Variants in ASXL2 observed in about 807,000 individuals in gnomAD.
ASXL2 encodes the protein ASXL transcriptional regulator 2.
Under a neutral mutation model 122.0 loss-of-function variants are expected in ASXL2, and 23 were observed. The observed-to-expected ratio is 0.19, with a 90% CI of 0.14 to 0.27. ASXL2 has a LOEUF of 0.27. Ranked by LOEUF, ASXL2 falls within the 10% of genes least tolerant of loss-of-function variation. ASXL2 has a pLI of 1.00. For synonymous variants in ASXL2, 650 were observed against 637.0 expected, an observed-to-expected ratio of 1.02 and a Z score of -0.31; for missense variants, 1,518 against 1,713.8, an observed-to-expected ratio of 0.89 and a Z score of 2.02.
chr2:25,878,156 T>TC lies in ASXL2; in HGVS notation c.57+9dup, dbSNP rs1240631288. On this transcript the variant is annotated intron_variant, in intron 1 of 12. Coordinates refer to ENST00000435504, the MANE Select transcript of ASXL2 (RefSeq NM_018263.6). ...CCTCCCGGCCTTCCCCTTCGCTCCC[T>TC]CCCCCTTACCGTCTTGGCGGCCTCC... The TC allele has an allele frequency of 6.2e-7, 1 of 1,613,418 alleles. No individual in the cohort carries two copies. Among genetic ancestry groups the TC allele is most frequent in the East Asian group, 2.2e-5 (1 of 44,828 alleles).
chr2:25,853,010 A>C (rs954103775), intron 1 of ASXL2, among the ~76,000 whole-genome samples: 5 of 152,218 alleles, frequency 3.3e-5, no homozygotes, highest in African/African-American at 1.2e-4. Context: ...TGTGGAATTG[A>C]GGAATAATTG....
chr2:25,849,045 C>CA (rs1337241291), intron 1 of ASXL2, among the ~76,000 whole-genome samples: 116 of 35,946 alleles, frequency 3.2e-3, no homozygotes, highest in African/African-American at 8.6e-3. Context: ...AACTCCGTCT[C>CA]AAAAAAAAAA....
chr2:25,849,452 CAAAAAAAAA>C (rs34833277), intron 1 of ASXL2, among the ~76,000 whole-genome samples: 3 of 70,652 alleles, frequency 4.2e-5, no homozygotes, highest in Non-Finnish European at 8.2e-5. Flanking sequence ...GACTCTGACT[CAAAAAAAAA>C]AAAAAAAAAA....
intron 3 of ASXL2, among the ~76,000 whole-genome samples, chr2:25,813,596 C>T (rs2089198572): frequency 6.6e-6 from 1 of 152,088 alleles, no homozygotes; most frequent in Non-Finnish European, 1.5e-5. Context: ...AAAGTGTGTA[C>T]ATAAAGTGCT....
intron 1 of ASXL2, among the ~76,000 whole-genome samples, chr2:25,861,109 A>G (rs929650618): frequency 6.6e-6 from 1 of 152,178 alleles, no homozygotes; most frequent in Non-Finnish European, 1.5e-5. Flanking sequence ...ACAAATAAGA[A>G]AACAAAAATT....
chr2:25,752,221 A>G (rs1216333452), intron 11 of ASXL2, among the ~76,000 whole-genome samples: 2 of 152,168 alleles, frequency 1.3e-5, no homozygotes, highest in African/African-American at 4.8e-5. Context: ...TGGTGTGCAG[A>G]AGGAAGGAAG....
Position 25,845,530 on chromosome 2 carries a change from G to T in ASXL2, c.91C>A (p.His31Asn). ...TGGATAACTTGAAGAATTTCTTTATGACTCATGGGTGTATTGGGGTATTTT... is the reference window on the plus strand; with the variant it reads ...TGGATAACTTGAAGAATTTCTTTATTACTCATGGGTGTATTGGGGTATTTT... ...LEKYPNTPMS[H>N]KEILQVIQRE... is the part of the protein sequence containing the mutation. Residue 31 changes from histidine to asparagine, a missense_variant, in exon 2 of 13, where the codon CAT becomes AAT. Coordinates refer to ENST00000435504, the MANE Select transcript of ASXL2 (RefSeq NM_018263.6). 2 of 1,500,266 alleles carry T rather than the reference G, an allele frequency of 1.3e-6. No homozygotes were observed. Among genetic ancestry groups the T allele is most frequent in the East Asian group, 2.5e-5 (1 of 40,192 alleles). 92.9% of individuals were successfully genotyped at this position (1,500,266 alleles called of 1,614,324 possible).
intron 1 of ASXL2, among the ~76,000 whole-genome samples, chr2:25,850,635 G>C (rs1157752873): frequency 1.3e-5 from 2 of 152,206 alleles, no homozygotes; most frequent in African/African-American, 4.8e-5. Context: ...CAGTGGGATA[G>C]ATGTGGTCTA....
intron 1 of ASXL2, 115 bp downstream of exon 1, chr2:25,878,051 G>A (rs1180514456): frequency 3.8e-6 from 5 of 1,318,838 alleles, no homozygotes; most frequent in Admixed American, 1.7e-5. Context: ...CTCTCCGCGC[G>A]GTTTTGTGCC....
chr2:25,784,053 CTAAATAAATAAATAAATAAA>C (rs59180424), intron 5 of ASXL2, among the ~76,000 whole-genome samples: 18 of 138,470 alleles, frequency 1.3e-4, no homozygotes, highest in Middle Eastern at 7.0e-3. Flanking sequence ...AACTCCATCT[CTAAATAAATAAATAAATAAA>C]TAAATAAATA....
At chr2:25,781,623 G>A (rs2088639401) in intron 5 of ASXL2, among the ~76,000 whole-genome samples, 1 of 145,390 alleles carries the variant, frequency 6.9e-6, no homozygotes, top group Non-Finnish European at 1.5e-5. Flanking sequence ...TGGGCTCAAG[G>A]TATCCCCCTG....
chr2:25,745,641 C>CTTTTT (rs59530493), intron 12 of ASXL2, among the ~76,000 whole-genome samples: 3 of 75,674 alleles, frequency 4.0e-5, no homozygotes, highest in African/African-American at 9.9e-5. Flanking sequence ...TGATTTCCTT[C>CTTTTT]TTTTTTTTTT....
intron 1 of ASXL2, among the ~76,000 whole-genome samples, chr2:25,863,035 T>G (rs1190854495): frequency 6.6e-6 from 1 of 152,016 alleles, no homozygotes; most frequent in African/African-American, 2.4e-5. Context: ...AAATGCAAAC[T>G]AAAGCAGCTC....
In ASXL2 at chr2:25,842,787, T is replaced by C. The variant is rs897716367; in HGVS notation, c.140+2694A>G. On this transcript the variant is annotated intron_variant, in intron 2 of 12. Coordinates refer to ENST00000435504, the MANE Select transcript of ASXL2 (RefSeq NM_018263.6). ...GTGTGCACGTGTGTGTGTGTGTGTGTGTGTGTATATATATATATATATATG... is the reference window on the plus strand; with the variant it reads ...GTGTGCACGTGTGTGTGTGTGTGTGCGTGTGTATATATATATATATATATG... 4.7e-5 allele frequency among the ~76,000 whole-genome samples: 6 copies of C among 127,052 alleles called. No individual in the cohort carries two copies. The South Asian group carries it at 1.4e-3, about 29-fold the overall frequency. The allele number at this position is 127,052 out of a possible 152,430, so 83.4% of individuals were successfully genotyped here. A position where few individuals can be genotyped will look rare whatever the true frequency, so the allele number is the denominator to read the frequency against.
chr2:25,831,361 G>A (rs1471009649), intron 3 of ASXL2, among the ~76,000 whole-genome samples: 1 of 151,756 alleles, frequency 6.6e-6, no homozygotes, highest in Non-Finnish European at 1.5e-5. Context: ...CTCTTATTTG[G>A]TTAAAGAAAT....
Position 25,878,288 on chromosome 2 carries a change from G to T in ASXL2, c.-66C>A. On this transcript the variant is annotated 5_prime_UTR_variant, in exon 1 of 13. Transcript: ENST00000435504. ...TCCGGCCGCCCTCCCTGCCTGCTCT[G>T]CCCTGCGCTGCTTTTCCCGCGGTGC... 1 of 1,538,420 alleles carries T rather than the reference G, an allele frequency of 6.5e-7. No individual in the cohort carries two copies. Among genetic ancestry groups the T allele is most frequent in the Non-Finnish European group, 8.9e-7 (1 of 1,117,670 alleles).
intron 8 of ASXL2, among the ~76,000 whole-genome samples, chr2:25,765,776 C>T (rs925958745): frequency 1.3e-5 from 2 of 152,136 alleles, no homozygotes; most frequent in Admixed American, 6.5e-5. Context: ...AGAATATGCG[C>T]TCCATGAGGA....
intron 8 of ASXL2, among the ~76,000 whole-genome samples, chr2:25,765,403 A>G (rs555666921): frequency 5.3e-5 from 8 of 152,112 alleles, no homozygotes; most frequent in Non-Finnish European, 1.2e-4. Flanking sequence ...GGAGAATGGC[A>G]TGAACACGGG....
chr2:25,748,677 T>C (rs1347060204), intron 12 of ASXL2, among the ~76,000 whole-genome samples: 1 of 152,242 alleles, frequency 6.6e-6, no homozygotes, highest in Non-Finnish European at 1.5e-5. Context: ...ATTCAGTGCG[T>C]TGCCTCTTAA....
Sources: allele counts gnomAD v4.1 joint callset (sites outside exome capture counted in the v4.1 genomes callset), GRCh38; gene constraint gnomAD v4.1.1; transcripts MANE v1.5; gene names NCBI Gene and HGNC (gene_info 2026-07-23, HGNC 2026-07-21).